The following MITF variants were observed in gnomAD, a reference collection of about 807,000 sequenced individuals.
MITF encodes microphthalmia-associated transcription factor.
A neutral mutation model predicts 60.5 loss-of-function variants in MITF; 17 were observed. That is an observed-to-expected ratio of 0.28 (90% confidence interval 0.19 to 0.42). The LOEUF (loss-of-function observed/expected upper bound fraction) is 0.42, where lower values mean the gene tolerates loss of function less well. Among genes scored for constraint, MITF ranks in the 10% least tolerant of loss-of-function variants. The pLI is 1.00. For synonymous variants in MITF, 260 were observed against 248.5 expected, an observed-to-expected ratio of 1.05 and a Z score of -0.43; for missense variants, 622 against 683.5, an observed-to-expected ratio of 0.91 and a Z score of 1.00.
At chr3:69,853,565 C>T (rs914444507) in intron 1 of MITF, among the ~76,000 whole-genome samples, 7 of 152,020 alleles carry the variant, frequency 4.6e-5, no homozygotes, top group Non-Finnish European at 1.0e-4. Context: ...AAATAGAACC[C>T]TCTGGAAGCC....
At chr3:69,907,830 C>A (rs1343630941) in intron 2 of MITF, among the ~76,000 whole-genome samples, 1 of 152,118 alleles carries the variant, frequency 6.6e-6, no homozygotes, top group Non-Finnish European at 1.5e-5. Flanking sequence ...TGAGAATAAG[C>A]AGTTTTCTCT....
At chr3:69,945,065 T>C (rs1233576093) in intron 5 of MITF, among the ~76,000 whole-genome samples, 1 of 152,198 alleles carries the variant, frequency 6.6e-6, no homozygotes, top group Non-Finnish European at 1.5e-5. Flanking sequence ...ATAACTATTC[T>C]GAGAGCACAA....
At chr3:69,800,800 C>G (rs1293790439) in intron 1 of MITF, among the ~76,000 whole-genome samples, 1 of 152,016 alleles carries the variant, frequency 6.6e-6, no homozygotes, top group African/African-American at 2.4e-5. Flanking sequence ...AATGGGCCCT[C>G]TGTAGCACAG....
At chr3:69,962,297 A>G (rs2066569964) in intron 9 of MITF, among the ~76,000 whole-genome samples, 1 of 152,242 alleles carries the variant, frequency 6.6e-6, no homozygotes, top group Non-Finnish European at 1.5e-5. Context: ...AAGAAAGAGC[A>G]TGAATCCTTT....
intron 1 of MITF, among the ~76,000 whole-genome samples, chr3:69,850,481 A>G (rs1282010882): frequency 1.6e-5 from 2 of 121,726 alleles, no homozygotes. Context: ...CATACCTTCC[A>G]TAATTAGCTG....
chr3:69,799,926 A>C (rs1301748164), intron 1 of MITF, among the ~76,000 whole-genome samples: 1 of 152,138 alleles, frequency 6.6e-6, no homozygotes, highest in East Asian at 1.9e-4. Context: ...TTCAGTCTCT[A>C]TGTTTTTCTT....
At chr3:69,838,435 C>T (rs575930767) in intron 1 of MITF, among the ~76,000 whole-genome samples, 9 of 151,982 alleles carry the variant, frequency 5.9e-5, no homozygotes, top group South Asian at 2.1e-4. Context: ...GCATGTTTTA[C>T]GAAGTCTGAA....
intron 1 of MITF, among the ~76,000 whole-genome samples, chr3:69,755,449 T>G (rs1030131935): frequency 5.1e-5 from 7 of 136,080 alleles, no homozygotes; most frequent in South Asian, 2.5e-4. Flanking sequence ...TTTTTTTTTT[T>G]TTTTTTTTTT....
intron 1 of MITF, among the ~76,000 whole-genome samples, chr3:69,745,597 T>A (rs1009821012): frequency 2.0e-5 from 3 of 152,206 alleles, no homozygotes; most frequent in Non-Finnish European, 4.4e-5. Context: ...AAGTAGACAT[T>A]TAGGGTTTCC....
At chr3:69,877,525 T>G (rs1376689325) in intron 1 of MITF, among the ~76,000 whole-genome samples, 1 of 152,188 alleles carries the variant, frequency 6.6e-6, no homozygotes, top group Non-Finnish European at 1.5e-5. Context: ...CTTTGTATTG[T>G]GTAGTTTTAT....
rs1009535486 is a variant in MITF at position 69,928,878 on chromosome 3, G to A, written c.355-8944G>A. On this transcript the variant is annotated intron_variant, in intron 2 of 9. Transcript: ENST00000352241. ...AGGTGAAAGCAAATCTCAGGCTTCC[G>A]GCCGGTCATTTGAGACCCACAGGGC... 9.9e-5 allele frequency among the ~76,000 whole-genome samples: 15 copies of A among 152,070 alleles called. 1 individual carries two copies. The highest frequency in any genetic ancestry group is 2.1e-4 in the South Asian group (1 of 4,822).
intron 2 of MITF, chr3:69,936,584 A>G (rs1666177936): frequency 6.6e-7 from 1 of 1,519,050 alleles, no homozygotes; most frequent in African/African-American, 1.4e-5. Context: ...TTCTGTGATA[A>G]AGTTTCCGGT....
At chr3:69,835,590 A>G (rs1460853787) in intron 1 of MITF, among the ~76,000 whole-genome samples, 1 of 152,154 alleles carries the variant, frequency 6.6e-6, no homozygotes, top group Non-Finnish European at 1.5e-5. Flanking sequence ...GTTTTCTTCT[A>G]GTAGAGTCAT....
chr3:69,907,312 G>A (rs1490361205), intron 2 of MITF, among the ~76,000 whole-genome samples: 2 of 152,142 alleles, frequency 1.3e-5, no homozygotes, highest in African/African-American at 2.4e-5. Flanking sequence ...TTTTAGAGAT[G>A]GGGCTCTGTG....
intron 1 of MITF, among the ~76,000 whole-genome samples, chr3:69,751,451 C>T (rs1469504551): frequency 6.6e-6 from 1 of 151,992 alleles, no homozygotes; most frequent in Non-Finnish European, 1.5e-5. Flanking sequence ...AGGGCAAGGC[C>T]AATGTCATGT....
intron 2 of MITF, among the ~76,000 whole-genome samples, chr3:69,927,018 A>G (rs184714622): frequency 6.6e-6 from 1 of 152,304 alleles, no homozygotes; most frequent in East Asian, 1.9e-4. Flanking sequence ...AAATTACAAA[A>G]TCAGTGTCAT....
intron 1 of MITF, among the ~76,000 whole-genome samples, chr3:69,840,894 T>C (rs1368730153): frequency 6.6e-6 from 1 of 152,054 alleles, no homozygotes; most frequent in Non-Finnish European, 1.5e-5. Context: ...TAACTGGGAT[T>C]ACAGGTACAT....
chr3:69,789,826 A>G (rs2062710596), intron 1 of MITF, among the ~76,000 whole-genome samples: 1 of 152,192 alleles, frequency 6.6e-6, no homozygotes, highest in African/African-American at 2.4e-5. Flanking sequence ...ACTGCACTGC[A>G]GCCTGGGCAA....
At chr3:69,792,703 A>G (rs1468081772) in intron 1 of MITF, among the ~76,000 whole-genome samples, 1 of 152,094 alleles carries the variant, frequency 6.6e-6, no homozygotes, top group Non-Finnish European at 1.5e-5. Context: ...TTTTATTGGC[A>G]TCTCTCCAAA....
Sources: gnomAD v4.1 joint callset for allele counts (sites outside exome capture counted in the v4.1 genomes callset) on GRCh38, gnomAD v4.1.1 for gene constraint, MANE v1.5 for transcripts, NCBI Gene and HGNC (gene_info 2026-07-23, HGNC 2026-07-21) for gene names.